Variants in CPS1 observed in about 807,000 individuals in gnomAD.
The protein encoded by CPS1 is carbamoyl-phosphate synthase [ammonia], mitochondrial.
In CPS1, 109 loss-of-function variants were observed where a neutral mutation model predicts 174.6. The ratio of observed to expected loss-of-function variants is 0.62; its 90% CI spans 0.53 to 0.73. The LOEUF (loss-of-function observed/expected upper bound fraction) is 0.73. Ranked by LOEUF, CPS1 falls within the 30% of genes least tolerant of loss-of-function variation. The pLI is 0.00. For synonymous variants in CPS1, 637 were observed against 632.0 expected, an observed-to-expected ratio of 1.01 and a Z score of -0.12; for missense variants, 1,689 against 1,821.9, an observed-to-expected ratio of 0.93 and a Z score of 1.33.
At chr2:210,668,071 C>A in intron 33 of CPS1, 115 bp from the exon 34 acceptor site, 1 of 648,972 alleles carries the variant, frequency 1.5e-6, no homozygotes, top group South Asian at 1.7e-5. Flanking sequence ...TCCATTTGTG[C>A]GTGCATGTGT....
chr2:210,625,549 T>C (rs1289000384), intron 21 of CPS1, among the ~76,000 whole-genome samples: 8 of 152,098 alleles, frequency 5.3e-5, no homozygotes, highest in Non-Finnish European at 1.2e-4. Context: ...TTACTCCATA[T>C]TGGAGCCAGG....
At chr2:210,641,993 A>G (rs1173978084) in intron 24 of CPS1, among the ~76,000 whole-genome samples, 1 of 152,238 alleles carries the variant, frequency 6.6e-6, no homozygotes, top group Non-Finnish European at 1.5e-5. Flanking sequence ...GGACTCTTCA[A>G]TCAATCAGGA....
intron 21 of CPS1, among the ~76,000 whole-genome samples, chr2:210,623,261 G>A (rs1421653833): frequency 4.6e-5 from 7 of 151,974 alleles, no homozygotes; most frequent in South Asian, 2.1e-4. Flanking sequence ...CATTTTACAC[G>A]TTCAAAAGTA....
chr2:210,643,336 G>A (rs1438046114), intron 25 of CPS1, among the ~76,000 whole-genome samples: 5 of 152,004 alleles, frequency 3.3e-5, no homozygotes, highest in African/African-American at 1.2e-4. Context: ...TAAAATAAAA[G>A]CTACTGGAAA....
At chr2:210,612,001 T>C (rs1253120144) in intron 19 of CPS1, 116 bp from the exon 20 acceptor site, 3 of 918,190 alleles carry the variant, frequency 3.3e-6, no homozygotes, top group South Asian at 1.5e-5. Context: ...AGAGGCTTTA[T>C]GATATATTTT....
At chr2:210,477,689 T>C (rs187487015) in exon 1 of CPS1, 3 of 1,597,940 alleles carry the variant, frequency 1.9e-6, no homozygotes, top group African/African-American at 2.7e-5. Flanking sequence ...TTTGCTCTTT[T>C]AAAATAGTTG....
In CPS1 at chr2:210,658,619, G is replaced by T. The variant is rs115897023; in HGVS notation, c.3687G>T (p.Lys1229Asn). 7.0e-4 allele frequency: 1,122 copies of T among 1,613,998 alleles called. 8 individuals carry two copies. The African/African-American group carries it at 0.013, about 19-fold the overall frequency. Residue 1229 changes from lysine to asparagine, a missense_variant, in exon 31 of 38, where the codon AAG (lysine) becomes AAT (asparagine). Physicochemically the swap from Lys to Asn is moderately conservative, Grantham distance 94. Coordinates refer to ENST00000233072, the MANE Select transcript of CPS1 (RefSeq NM_001875.5). ...TTCAGGTGAAGGATGCTACCCGGAA[G>T]ATTGCAAAGGCTTTTGCCATCTCTG... ...AIEKVKDATRKIAKAFAISGP... is the reference protein window; with the variant it reads ...AIEKVKDATRNIAKAFAISGP...
intron 34 of CPS1, chr2:210,672,186 A>G (rs1701329228): frequency 6.6e-6 from 1 of 152,186 alleles, no homozygotes; most frequent in Admixed American, 6.5e-5. Context: ...CCACAGTTTG[A>G]GAACCACTCT....
chr2:210,554,130 CAT>C (rs1306313294), upstream of CPS1, among the ~76,000 whole-genome samples: 5 of 130,516 alleles, frequency 3.8e-5, no homozygotes, highest in Non-Finnish European at 8.3e-5. Flanking sequence ...TGTATATATA[CAT>C]ACATATATAT....
chr2:210,495,333 G>C (rs1413423878), intron 1 of CPS1, among the ~76,000 whole-genome samples: 1 of 152,142 alleles, frequency 6.6e-6, no homozygotes, highest in Non-Finnish European at 1.5e-5. Flanking sequence ...GGTGCGGCAT[G>C]CTTCGAGAAC....
intron 1 of CPS1, among the ~76,000 whole-genome samples, chr2:210,478,209 T>C (rs776325049): frequency 2.0e-5 from 3 of 152,210 alleles, no homozygotes; most frequent in Non-Finnish European, 4.4e-5. Context: ...CCTCTAACAG[T>C]ATCTATTGTT....
chr2:210,499,572 T>G (rs1695090664), intron 1 of CPS1, among the ~76,000 whole-genome samples: 1 of 152,312 alleles, frequency 6.6e-6, no homozygotes, highest in Non-Finnish European at 1.5e-5. Context: ...TGGCTGACTT[T>G]GTATGCACTC....
At position 210,618,909 on chromosome 2, in the gene CPS1, A is replaced by G. The variant is rs568238424; in HGVS notation, c.2687+2368A>G. 3 of 152,248 alleles carry G rather than the reference A, an allele frequency of 2.0e-5. No individual in the cohort carries two copies. In the East Asian group the frequency reaches 5.8e-4, roughly 30 times the overall value. 9.4% of individuals were successfully genotyped at this position (152,248 alleles called of 1,614,324 possible). On this transcript the variant is annotated intron_variant, in intron 21 of 37. Coordinates refer to ENST00000233072, the MANE Select transcript of CPS1 (RefSeq NM_001875.5). ...TTGCGAGTTTGGAGAGAGGCTGAGA[A>G]GATTAGTTGTTCTTTTTCATTTGTA... is the stretch of plus-strand genomic sequence containing the variant.
intron 6 of CPS1, among the ~76,000 whole-genome samples, chr2:210,585,934 C>G (rs1169395957): frequency 6.6e-6 from 1 of 151,578 alleles, no homozygotes; most frequent in African/African-American, 2.4e-5. Context: ...CTTCCTGACA[C>G]CTGTTCATCT....
At chr2:210,590,699 T>G (rs1264510447) in intron 8 of CPS1, 101 bp from the exon 9 acceptor site, 1 of 869,556 alleles carries the variant, frequency 1.2e-6, no homozygotes, top group Admixed American at 1.9e-5. Context: ...TACTATTCTC[T>G]TTACCTTCTT....
intron 15 of CPS1, 51 bp from the exon 16 acceptor site, chr2:210,602,151 C>T (rs1242563818): frequency 1.9e-6 from 3 of 1,607,514 alleles, no homozygotes; most frequent in African/African-American, 2.7e-5. Flanking sequence ...GTGGTCTGTT[C>T]TGCCAGTGTG....
intron 1 of CPS1, among the ~76,000 whole-genome samples, chr2:210,482,641 G>C (rs868256716): frequency 6.7e-5 from 10 of 148,720 alleles, no homozygotes; most frequent in Admixed American, 4.1e-4. Flanking sequence ...ATAGACTAGA[G>C]TTTGACATAT....
intron 1 of CPS1, among the ~76,000 whole-genome samples, chr2:210,505,232 C>G (rs1695246032): frequency 6.6e-6 from 1 of 151,652 alleles, no homozygotes; most frequent in African/African-American, 2.4e-5. Context: ...TATTTTCAAT[C>G]AACATATAGG....
At chr2:210,551,347 A>G (rs1020595083) in intron 1 of CPS1, among the ~76,000 whole-genome samples, 2 of 152,016 alleles carry the variant, frequency 1.3e-5, no homozygotes, top group Admixed American at 6.6e-5. Flanking sequence ...GCAATAACTC[A>G]TTTATATACA....
Sources: allele counts gnomAD v4.1 joint callset (sites outside exome capture counted in the v4.1 genomes callset), GRCh38; gene constraint gnomAD v4.1.1; transcripts MANE v1.5; gene names NCBI Gene and HGNC (gene_info 2026-07-23, HGNC 2026-07-21).